CCDC141: variants seen among roughly 807,000 people sequenced by gnomAD.
CCDC141 encodes the protein coiled-coil domain-containing protein 141.
A neutral mutation model predicts 181.0 loss-of-function variants in CCDC141; 168 were observed. The ratio of observed to expected loss-of-function variants is 0.93; its 90% CI spans 0.82 to 1.05. The LOEUF (loss-of-function observed/expected upper bound fraction) is 1.05, where lower values mean the gene tolerates loss of function less well. Among genes scored for constraint, CCDC141 ranks in the 50% least tolerant of loss-of-function variants. The probability of loss-of-function intolerance (pLI) is 0.00; values close to 1 mark genes in which losing one functional copy is unlikely to be tolerated. For missense variants in CCDC141, 1,902 were observed against 1,788.5 expected (o/e 1.06, Z -1.14); for synonymous variants, 666 against 642.3 (o/e 1.04, Z -0.56).
intron 8 of CCDC141, among the ~76,000 whole-genome samples, chr2:178,891,430 T>C (rs1687143178): frequency 6.6e-6 from 1 of 152,142 alleles, no homozygotes; most frequent in African/African-American, 2.4e-5. Context: ...ATAGTGCTTT[T>C]TCTGGGTCTA....
chr2:178,845,286 T>C (rs1463766385), intron 22 of CCDC141, among the ~76,000 whole-genome samples: 2 of 152,054 alleles, frequency 1.3e-5, no homozygotes, highest in Admixed American at 1.3e-4. Flanking sequence ...TGAAGTTGGA[T>C]TGGATATAAA....
intron 2 of CCDC141, among the ~76,000 whole-genome samples, chr2:179,022,035 C>T (rs773429282): frequency 3.3e-5 from 5 of 151,994 alleles, no homozygotes; most frequent in African/African-American, 4.8e-5. Context: ...TGGATATTTG[C>T]GTACAAATGA....
intron 2 of CCDC141, among the ~76,000 whole-genome samples, chr2:179,025,318 T>C (rs989009553): frequency 2.6e-5 from 4 of 152,140 alleles, no homozygotes; most frequent in African/African-American, 9.7e-5. Flanking sequence ...ACTCCCACAA[T>C]TCCCAGGTGT....
At position 178,869,126 on chromosome 2, in the gene CCDC141, G is replaced by C. The variant is rs763244374; in HGVS notation, c.2385C>G (p.Val795=). 1.3e-6 allele frequency: 2 copies of C among 1,578,890 alleles called. No individual in the cohort carries two copies. Among genetic ancestry groups the C allele is most frequent in the Admixed American group, 3.8e-5 (2 of 52,766 alleles). ...ILYKVVQFHQ[V]KEELGRLIKS... The stretch of plus-strand genomic sequence containing the variant: ...CCCTTCTAAGCCTTACCTCTTCCTT[G>C]ACTTGATGGAACTGGACCACCTTGT... Residue 795 remains valine (V), a synonymous_variant, in exon 15 of 24, where the codon GTC becomes GTG. Transcript: ENST00000443758.
chr2:178,975,742 T>A (rs1691090340), intron 3 of CCDC141, among the ~76,000 whole-genome samples: 1 of 152,102 alleles, frequency 6.6e-6, no homozygotes, highest in African/African-American at 2.4e-5. Context: ...CAAAAAAATA[T>A]ATATTTGTAT....
At chr2:178,817,432 C>T in the CCDC141 span, 1 of 462,734 alleles carries the variant, frequency 2.2e-6, no homozygotes, top group Non-Finnish European at 4.5e-6. Flanking sequence ...ATCAGAAAGA[C>T]TCATGCTCTT....
At chr2:179,009,688 C>A (rs897039918) in intron 2 of CCDC141, among the ~76,000 whole-genome samples, 7 of 151,074 alleles carry the variant, frequency 4.6e-5, no homozygotes, top group Non-Finnish European at 8.9e-5. Context: ...GGTGGGGGTG[C>A]AGTGGATTCT....
intron 14 of CCDC141, among the ~76,000 whole-genome samples, chr2:178,870,924 G>A (rs2154369117): frequency 6.6e-6 from 1 of 152,208 alleles, no homozygotes; most frequent in East Asian, 1.9e-4. Flanking sequence ...TGGTTTTATT[G>A]CTCATATCCT....
chr2:179,023,016 C>T (rs2042731142), intron 2 of CCDC141, among the ~76,000 whole-genome samples: 1 of 152,144 alleles, frequency 6.6e-6, no homozygotes, highest in Non-Finnish European at 1.5e-5. Flanking sequence ...TTGAAGGGCA[C>T]ACAGCATGCT....
chr2:178,962,269 T>C (rs1690439724), intron 4 of CCDC141, among the ~76,000 whole-genome samples: 1 of 151,658 alleles, frequency 6.6e-6, no homozygotes, highest in South Asian at 2.1e-4. Flanking sequence ...GGAGAAAGAG[T>C]TGAGAATAGC....
chr2:178,818,322 GGTTT>G, the CCDC141 span, among the ~76,000 whole-genome samples: 2 of 152,142 alleles, frequency 1.3e-5, no homozygotes, highest in South Asian at 2.1e-4. Context: ...AGGATGTGCA[GGTTT>G]GTTACATAGG....
chr2:179,049,784 T>G, intron 1 of CCDC141, 56 bp downstream of exon 1: 1 of 1,541,126 alleles, frequency 6.5e-7, no homozygotes, highest in Non-Finnish European at 8.8e-7. Flanking sequence ...TTTAGGGTTT[T>G]CAACACACAG....
At chr2:178,880,983 A>C (rs1395618793) in intron 11 of CCDC141, among the ~76,000 whole-genome samples, 1 of 152,220 alleles carries the variant, frequency 6.6e-6, no homozygotes, top group Non-Finnish European at 1.5e-5. Flanking sequence ...AGCTCATGAC[A>C]GTTGGGGCTG....
chr2:178,978,378 T>G, intron 3 of CCDC141, 106 bp downstream of exon 3: 1 of 732,522 alleles, frequency 1.4e-6, no homozygotes, highest in Non-Finnish European at 1.9e-6. Flanking sequence ...TATTCTGCCA[T>G]TTTTTTAACT....
At chr2:178,965,893 G>A (rs569355439) in intron 4 of CCDC141, among the ~76,000 whole-genome samples, 1 of 152,294 alleles carries the variant, frequency 6.6e-6, no homozygotes, top group South Asian at 2.1e-4. Context: ...TGTCAGCACA[G>A]CAGCAGTCTG....
downstream of CCDC141, among the ~76,000 whole-genome samples, chr2:178,827,878 A>G (rs947533898): frequency 6.6e-6 from 1 of 152,352 alleles, no homozygotes; most frequent in South Asian, 2.1e-4. Flanking sequence ...CCAAAAGTCC[A>G]AAGTCTAAGC....
chr2:179,023,412 A>C (rs1575359718), intron 2 of CCDC141, among the ~76,000 whole-genome samples: 1 of 152,266 alleles, frequency 6.6e-6, no homozygotes, highest in African/African-American at 2.4e-5. Context: ...TACATACAAA[A>C]CTGCTAAGTT....
intron 2 of CCDC141, among the ~76,000 whole-genome samples, chr2:179,019,557 C>G (rs2042636327): frequency 6.6e-6 from 1 of 152,054 alleles, no homozygotes; most frequent in African/African-American, 2.4e-5. Context: ...TACTCATAAA[C>G]CGCTTTTATT....
intron 7 of CCDC141, among the ~76,000 whole-genome samples, chr2:178,910,205 A>C (rs953739546): frequency 6.6e-6 from 1 of 152,246 alleles, no homozygotes; most frequent in Non-Finnish European, 1.5e-5. Context: ...AAATATCTGC[A>C]AGACGAATTC....
Sources: allele counts gnomAD v4.1 joint callset (sites outside exome capture counted in the v4.1 genomes callset), GRCh38; gene constraint gnomAD v4.1.1; transcripts MANE v1.5; gene names NCBI Gene and HGNC (gene_info 2026-07-23, HGNC 2026-07-21).